The following CPNE8 variants were observed in gnomAD, a reference collection of about 807,000 sequenced individuals.
CPNE8 encodes the protein copine 8, also known as copine-8.
Under a neutral mutation model 81.5 loss-of-function variants are expected in CPNE8, and 45 were observed. The ratio of observed to expected loss-of-function variants is 0.55; its 90% CI spans 0.44 to 0.71. CPNE8 has a LOEUF of 0.71. Ranked by LOEUF, CPNE8 falls within the 30% of genes least tolerant of loss-of-function variation. CPNE8 has a pLI of 0.00. For missense variants in CPNE8, 594 were observed against 672.1 expected (o/e 0.88, Z 1.28); for synonymous variants, 252 against 226.3 (o/e 1.11, Z -1.02).
At chr12:38,830,786 T>C (rs1943274600) in intron 5 of CPNE8, among the ~76,000 whole-genome samples, 1 of 152,188 alleles carries the variant, frequency 6.6e-6, no homozygotes, top group Non-Finnish European at 1.5e-5. Flanking sequence ...ATTGGCCCCA[T>C]TTCTCAGATA....
In CPNE8 at chr12:38,840,005, GA is replaced by G. The variant is rs746874043; in HGVS notation, c.291-51del. 3.7e-5 allele frequency: 55 copies of G among 1,477,830 alleles called. No homozygotes were observed. In the African/African-American group the frequency reaches 5.1e-4, roughly 14 times the overall value. 91.5% of individuals were successfully genotyped at this position (1,477,830 alleles called of 1,614,324 possible). A position where few individuals can be genotyped will look rare whatever the true frequency, so the allele number is the denominator to read the frequency against. On this transcript the variant is annotated intron_variant, in intron 4 of 19. Transcript: ENST00000331366. ...AAATTATTTCCACAAAATACAGCTAGAAAAAAAACCAGTATTTTCCAAAACA... is the reference window on the plus strand; with the variant it reads ...AAATTATTTCCACAAAATACAGCTAGAAAAAAACCAGTATTTTCCAAAACA...
chr12:38,774,042 G>T (rs986195725), intron 7 of CPNE8, among the ~76,000 whole-genome samples: 1 of 152,056 alleles, frequency 6.6e-6, no homozygotes, highest in Non-Finnish European at 1.5e-5. Context: ...TGAATTAATT[G>T]TAAAAAGAGG....
At chr12:38,793,891 A>G (rs1942389982) in intron 6 of CPNE8, among the ~76,000 whole-genome samples, 1 of 152,122 alleles carries the variant, frequency 6.6e-6, no homozygotes, top group African/African-American at 2.4e-5. Context: ...ATGACATATA[A>G]TACAGAGCTC....
At chr12:38,660,284 A>T (rs1019459929) in intron 19 of CPNE8, among the ~76,000 whole-genome samples, 1 of 152,218 alleles carries the variant, frequency 6.6e-6, no homozygotes, top group South Asian at 2.1e-4. Flanking sequence ...CCAATGGAAC[A>T]GAACAGAGGC....
In CPNE8 at chr12:38,653,794, C is replaced by A; in HGVS notation, c.*88G>T. 1 of 1,466,348 alleles carries A rather than the reference C, an allele frequency of 6.8e-7. No individual in the cohort carries two copies. The highest frequency in any genetic ancestry group is 1.5e-5 in the South Asian group (1 of 67,358). The allele number at this position is 1,466,348 out of a possible 1,614,324, so 90.8% of individuals were successfully genotyped here. A position where few individuals can be genotyped will look rare whatever the true frequency, so the allele number is the denominator to read the frequency against. The stretch of plus-strand genomic sequence containing the variant: ...TGAAACCAAACTGAGAAAACTATCT[C>A]ATTGCCTGGTTCATTACAGAGCACC... On this transcript the variant is annotated 3_prime_UTR_variant, in exon 20 of 20. Transcript: ENST00000331366.
rs564161056 is a variant in CPNE8, at chr12:38,884,371, A to G, written c.99-9860T>C. On this transcript the variant is annotated intron_variant, in intron 1 of 19. Transcript: ENST00000331366. ...ATTCAGCCATGTTGTAGTATCTGTC[A>G]GTACTTCATTCCGTTTTATTGCCAA... Among the ~76,000 whole-genome samples, 5 of 152,338 alleles carry G rather than the reference A, an allele frequency of 3.3e-5. No homozygotes were observed. The South Asian group carries it at 8.3e-4, about 25-fold the overall frequency.
At chr12:38,866,137 A>C (rs1016665486) in intron 3 of CPNE8, among the ~76,000 whole-genome samples, 1 of 152,330 alleles carries the variant, frequency 6.6e-6, no homozygotes, top group Non-Finnish European at 1.5e-5. Context: ...ATGGCCACGC[A>C]TTTCATAAAA....
chr12:38,809,666 G>C (rs1303597953), intron 6 of CPNE8, among the ~76,000 whole-genome samples: 1 of 152,056 alleles, frequency 6.6e-6, no homozygotes, highest in Non-Finnish European at 1.5e-5. Flanking sequence ...CCCTGCCCAG[G>C]TCCCTGAAGA....
chr12:38,699,362 G>C (rs1407663046), intron 14 of CPNE8, among the ~76,000 whole-genome samples: 1 of 152,156 alleles, frequency 6.6e-6, no homozygotes, highest in African/African-American at 2.4e-5. Context: ...GTCACCTTTT[G>C]TTAGTTCATT....
At position 38,714,237 on chromosome 12, in the gene CPNE8, GCTAC is replaced by G. The variant is rs1351409409; in HGVS notation, c.914+9531_914+9534del. On this transcript the variant is annotated intron_variant, in intron 13 of 19. Coordinates refer to ENST00000331366, the MANE Select transcript of CPNE8 (RefSeq NM_153634.3). ...TAATAATAATTGAAATAATTATCATGCTACCTAAGAAATTATCTTAGATTTCATA... is the reference window on the plus strand; with the variant it reads ...TAATAATAATTGAAATAATTATCATGCTAAGAAATTATCTTAGATTTCATA... Among the ~76,000 whole-genome samples the G allele has an allele frequency of 5.3e-5, 8 of 152,172 alleles. No homozygotes were observed. The Middle Eastern group carries it at 0.024, about 453-fold the overall frequency.
intron 18 of CPNE8, among the ~76,000 whole-genome samples, chr12:38,675,095 C>T (rs1478257117): frequency 6.6e-6 from 1 of 152,118 alleles, no homozygotes; most frequent in South Asian, 2.1e-4. Context: ...TTTGAACAAG[C>T]CTTGAGCCTG....
intron 6 of CPNE8, among the ~76,000 whole-genome samples, chr12:38,818,985 A>AT (rs1387979184): frequency 1.2e-4 from 18 of 151,790 alleles, no homozygotes; most frequent in Non-Finnish European, 2.2e-4. Flanking sequence ...GGGTTGTTTG[A>AT]TTTTTTCTTG....
intron 13 of CPNE8, among the ~76,000 whole-genome samples, chr12:38,706,966 AC>A (rs1395602912): frequency 6.6e-6 from 1 of 152,204 alleles, no homozygotes; most frequent in Non-Finnish European, 1.5e-5. Context: ...TACCAAAGCT[AC>A]AAAGAAAAGT....
intron 10 of CPNE8, among the ~76,000 whole-genome samples, chr12:38,752,389 C>A (rs920806929): frequency 2.6e-5 from 4 of 152,172 alleles, no homozygotes; most frequent in African/African-American, 9.7e-5. Flanking sequence ...TAATTAGTCA[C>A]TGCTCACCAT....
chr12:38,894,554 T>C (rs1367744753), intron 1 of CPNE8, among the ~76,000 whole-genome samples: 1 of 152,024 alleles, frequency 6.6e-6, no homozygotes, highest in Admixed American at 6.6e-5. Flanking sequence ...ATAAGCTATA[T>C]CTAAAATCGT....
At chr12:38,676,431 G>C (rs962196466) in intron 17 of CPNE8, 3 of 328,122 alleles carry the variant, frequency 9.1e-6, no homozygotes, top group African/African-American at 4.5e-5. Context: ...CTCTTTTCAT[G>C]TTCTTTCTCC....
chr12:38,870,871 T>C (rs906274155), intron 3 of CPNE8, among the ~76,000 whole-genome samples: 1 of 151,846 alleles, frequency 6.6e-6, no homozygotes, highest in South Asian at 2.1e-4. Flanking sequence ...ATTCCCACTT[T>C]GTCATTTACA....
chr12:38,830,310 A>C (rs1251499413), intron 5 of CPNE8, among the ~76,000 whole-genome samples: 4 of 152,194 alleles, frequency 2.6e-5, no homozygotes, highest in African/African-American at 7.2e-5. Context: ...AATTTAATTT[A>C]ATTTAAAAAA....
intron 10 of CPNE8, among the ~76,000 whole-genome samples, chr12:38,751,624 T>C (rs564660818): frequency 6.6e-6 from 1 of 152,322 alleles, no homozygotes; most frequent in Admixed American, 6.5e-5. Flanking sequence ...TAAAAACTAG[T>C]ACTTTCAGAT....
Sources: allele counts gnomAD v4.1 joint callset (sites outside exome capture counted in the v4.1 genomes callset), GRCh38; gene constraint gnomAD v4.1.1; transcripts MANE v1.5; gene names NCBI Gene and HGNC (gene_info 2026-07-23, HGNC 2026-07-21).